The following CFAP57 variants were observed in gnomAD, a reference collection of about 807,000 sequenced individuals.
CFAP57 encodes the protein cilia- and flagella-associated protein 57.
Under a neutral mutation model 146.8 loss-of-function variants are expected in CFAP57, and 116 were observed. The observed-to-expected ratio is 0.79, with a 90% CI of 0.68 to 0.92. The LOEUF is 0.92. CFAP57 is among the 40% of genes least tolerant of loss of function. CFAP57 has a pLI of 0.00. For synonymous variants in CFAP57, 518 were observed against 552.8 expected (o/e 0.94, Z 0.88); for missense variants, 1,377 against 1,527.2 (o/e 0.90, Z 1.64).
intron 22 of CFAP57, 77 bp downstream of exon 22, chr1:43,243,436 G>C: frequency 7.1e-7 from 1 of 1,410,662 alleles, no homozygotes; most frequent in East Asian, 2.6e-5. Context: ...GTCTCCCTTT[G>C]GCTTCCTTCT....
intron 2 of CFAP57, 94 bp from the exon 3 acceptor site, chr1:43,181,440 G>C: frequency 6.9e-7 from 1 of 1,440,226 alleles, no homozygotes; most frequent in Non-Finnish European, 9.6e-7. Flanking sequence ...GTCCACCACT[G>C]TCCACTCCAG....
Position 43,225,154 on chromosome 1 carries a change from G to T in CFAP57, c.2865+950G>T, listed in dbSNP as rs555541264. Among the ~76,000 whole-genome samples the T allele has an allele frequency of 4.6e-5, 7 of 152,176 alleles. No individual in the cohort carries two copies. In the East Asian group the frequency reaches 9.7e-4, roughly 21 times the overall value. Reference sequence around the variant, plus strand: ...GGGCTTTGACAAGAAAGAGACAAAGGCCTCCTCACCTAGAAAGTGGCAACA... The same window carrying T: ...GGGCTTTGACAAGAAAGAGACAAAGTCCTCCTCACCTAGAAAGTGGCAACA... On this transcript the variant is annotated intron_variant, in intron 17 of 22. Coordinates refer to ENST00000372492, the MANE Select transcript of CFAP57 (RefSeq NM_001378189.1).
intron 22 of CFAP57, 140 bp from the exon 23 acceptor site, chr1:43,253,837 C>T: frequency 1.4e-6 from 1 of 728,156 alleles, no homozygotes; most frequent in South Asian, 1.9e-5. Context: ...TGGCTTATCA[C>T]TGTACCTCCA....
chr1:43,173,675 T>C (rs1405099285), intron 2 of CFAP57, among the ~76,000 whole-genome samples: 1 of 152,238 alleles, frequency 6.6e-6, no homozygotes, highest in Non-Finnish European at 1.5e-5. Context: ...TGTTCCATCA[T>C]ATGAATATAA....
chr1:43,202,758 G>A (rs1355573744), intron 9 of CFAP57, among the ~76,000 whole-genome samples: 1 of 151,122 alleles, frequency 6.6e-6, no homozygotes, highest in Non-Finnish European at 1.5e-5. Flanking sequence ...ACTCTACCTT[G>A]GGTAACAGAG....
At chr1:43,213,521 G>T (rs558605740) in intron 11 of CFAP57, among the ~76,000 whole-genome samples, 1 of 151,130 alleles carries the variant, frequency 6.6e-6, no homozygotes, top group East Asian at 1.9e-4. Flanking sequence ...GCGGTGGAGC[G>T]CAGGTATCCT....
chr1:43,229,306 C>A (rs1335557358), intron 18 of CFAP57, among the ~76,000 whole-genome samples: 2 of 148,924 alleles, frequency 1.3e-5, no homozygotes, highest in Non-Finnish European at 3.0e-5. Context: ...AGGGGCCAAC[C>A]GTGGCCTTGA....
At chr1:43,232,708 A>G in intron 19 of CFAP57, 84 bp downstream of exon 19, 1 of 944,934 alleles carries the variant, frequency 1.1e-6, no homozygotes, top group Non-Finnish European at 1.6e-6. Context: ...CAAGAGGCAG[A>G]GCCAGCCCAC....
chr1:43,172,777 G>C lies in CFAP57; in HGVS notation c.24G>C (p.Thr8=), dbSNP rs1308541061. Residue 8 remains threonine, a synonymous_variant, in exon 2 of 23, where the codon ACG becomes ACC. Transcript: ENST00000372492. MSAVVAQ[T]LHVFGLRSHV... The stretch of plus-strand genomic sequence containing the variant: ...TCATGTCAGCCGTGGTAGCTCAGAC[G>C]CTGCATGTTTTTGGTCTTCGATCCC... The C allele has an allele frequency of 4.3e-6, 7 of 1,613,988 alleles. No individual in the cohort carries two copies. Among genetic ancestry groups the C allele is most frequent in the Non-Finnish European group, 5.9e-6 (7 of 1,180,018 alleles).
chr1:43,237,756 G>A lies in CFAP57; in HGVS notation c.3405+3118G>A, dbSNP rs143780036. 3.1e-3 allele frequency among the ~76,000 whole-genome samples: 478 copies of A among 152,336 alleles called. 2 individuals are homozygous for A. The highest frequency in any genetic ancestry group is 0.011 in the African/African-American group (467 of 41,562). ...AGTCCACGAGAAGAGAGTCCAAGTG[G>A]AGAAGAACCCACTGAAATGGTTGGT... On this transcript the variant is annotated intron_variant, in intron 21 of 22. Coordinates refer to ENST00000372492, the MANE Select transcript of CFAP57 (RefSeq NM_001378189.1).
intron 2 of CFAP57, among the ~76,000 whole-genome samples, chr1:43,178,854 T>G (rs569437171): frequency 9.2e-5 from 14 of 152,310 alleles, no homozygotes; most frequent in Non-Finnish European, 1.8e-4. Flanking sequence ...ATTGTGGCAC[T>G]GTTCACAATA....
intron 9 of CFAP57, among the ~76,000 whole-genome samples, chr1:43,204,531 G>A (rs575976402): frequency 2.0e-5 from 3 of 152,086 alleles, no homozygotes; most frequent in Non-Finnish European, 4.4e-5. Context: ...TATCTGTTTC[G>A]TGACTTGGCT....
At chr1:43,196,475 G>A (rs769756049) in intron 6 of CFAP57, 1 of 153,354 alleles carries the variant, frequency 6.5e-6, no homozygotes, top group Non-Finnish European at 1.5e-5. Context: ...AAGCTAAGCA[G>A]GGTCAGGCCT....
chr1:43,241,256 C>G (rs1310822068), intron 21 of CFAP57, among the ~76,000 whole-genome samples: 2 of 152,212 alleles, frequency 1.3e-5, no homozygotes, highest in East Asian at 1.9e-4. Context: ...ATACCTCCCT[C>G]TAGGCCCCAC....
intron 2 of CFAP57, among the ~76,000 whole-genome samples, chr1:43,179,279 A>G (rs1645294235): frequency 9.5e-6 from 1 of 105,310 alleles, no homozygotes; most frequent in African/African-American, 5.3e-5. Flanking sequence ...AACTTAAAGT[A>G]TAATAATAAT....
chr1:43,173,399 G>A (rs977235579), intron 2 of CFAP57, among the ~76,000 whole-genome samples: 1 of 152,110 alleles, frequency 6.6e-6, no homozygotes, highest in African/African-American at 2.4e-5. Flanking sequence ...TTCAACAACC[G>A]AATCCATTTT....
chr1:43,244,753 A>T (rs1254376703), intron 22 of CFAP57, among the ~76,000 whole-genome samples: 1 of 152,014 alleles, frequency 6.6e-6, no homozygotes, highest in Admixed American at 6.6e-5. Context: ...AAATACAAAA[A>T]TTAGCTGGGC....
chr1:43,202,747 C>T (rs7527795), intron 9 of CFAP57, among the ~76,000 whole-genome samples: 2,094 of 150,706 alleles, frequency 0.014, 49 homozygotes, highest in African/African-American at 0.049. Context: ...TATGCCACTG[C>T]ACTCTACCTT....
intron 17 of CFAP57, among the ~76,000 whole-genome samples, chr1:43,226,661 G>A (rs951638970): frequency 1.3e-5 from 2 of 152,264 alleles, no homozygotes; most frequent in African/African-American, 4.8e-5. Context: ...TCCTGATGGA[G>A]AAGCAGCAAG....
Sources: gnomAD v4.1 joint callset for allele counts (sites outside exome capture counted in the v4.1 genomes callset) on GRCh38, gnomAD v4.1.1 for gene constraint, MANE v1.5 for transcripts, NCBI Gene and HGNC (gene_info 2026-07-23, HGNC 2026-07-21) for gene names.